The following PDE1C variants were observed in gnomAD, a reference collection of about 807,000 sequenced individuals.
PDE1C encodes the protein dual specificity calcium/calmodulin-dependent 3',5'-cyclic nucleotide phosphodiesterase 1C.
A neutral mutation model predicts 93.1 loss-of-function variants in PDE1C; 62 were observed. That is an observed-to-expected ratio of 0.67 (90% CI 0.54 to 0.82). PDE1C has a LOEUF of 0.82. Among genes scored for constraint, PDE1C ranks in the 40% least tolerant of loss-of-function variants. The pLI is 0.00. For synonymous variants in PDE1C, 325 were observed against 310.1 expected (o/e 1.05, Z -0.50); for missense variants, 742 against 884.6 (o/e 0.84, Z 2.04).
At chr7:32,296,329 A>C (rs1812606991) in intron 1 of PDE1C, among the ~76,000 whole-genome samples, 1 of 152,266 alleles carries the variant, frequency 6.6e-6, no homozygotes. Flanking sequence ...ACAGATTCTA[A>C]GTCTGATTTA....
intron 1 of PDE1C, among the ~76,000 whole-genome samples, chr7:32,230,178 G>A (rs1807591308): frequency 6.6e-6 from 1 of 152,142 alleles, no homozygotes; most frequent in South Asian, 2.1e-4. Flanking sequence ...GGAGGACTCA[G>A]CCCCTGCACA....
intron 3 of PDE1C, among the ~76,000 whole-genome samples, chr7:32,119,338 C>A (rs1391690772): frequency 1.3e-5 from 2 of 152,204 alleles, no homozygotes; most frequent in African/African-American, 4.8e-5. Flanking sequence ...GCTTGCCTCA[C>A]TTCAGGCTCC....
At chr7:32,174,224 C>A (rs1481624949) in intron 2 of PDE1C, among the ~76,000 whole-genome samples, 2 of 152,136 alleles carry the variant, frequency 1.3e-5, no homozygotes, top group Non-Finnish European at 2.9e-5. Flanking sequence ...AAAGTTCCTG[C>A]ACATCCCCCT....
the PDE1C span, chr7:31,651,997 T>A: frequency 6.2e-7 from 1 of 1,606,186 alleles, no homozygotes. Context: ...GGTGGCAGAG[T>A]TGGAATTTCA....
At chr7:32,004,187 T>C (rs888605684) in intron 2 of PDE1C, among the ~76,000 whole-genome samples, 6 of 152,114 alleles carry the variant, frequency 3.9e-5, no homozygotes, top group African/African-American at 1.4e-4. Flanking sequence ...TGGGTGCAGT[T>C]TAGATACCTG....
chr7:32,284,004 G>A (rs535158255), intron 1 of PDE1C, among the ~76,000 whole-genome samples: 60 of 152,272 alleles, frequency 3.9e-4, no homozygotes, highest in Non-Finnish European at 6.6e-4. Flanking sequence ...GAAGCATCCC[G>A]AGGACATTTA....
chr7:31,877,177 G>C (rs764294349), intron 5 of PDE1C, among the ~76,000 whole-genome samples: 13 of 152,146 alleles, frequency 8.5e-5, no homozygotes, highest in East Asian at 3.8e-4. Flanking sequence ...GTGATCTTGG[G>C]CTACAGGATC....
At chr7:32,066,870 A>G (rs73098661) in intron 1 of PDE1C, among the ~76,000 whole-genome samples, 11,214 of 152,280 alleles carry the variant, frequency 0.074, 444 homozygotes, top group African/African-American at 0.091. Context: ...GCTCCTCTCC[A>G]AAGAGTAAGA....
At chr7:32,138,923 G>A (rs995327184) in intron 3 of PDE1C, among the ~76,000 whole-genome samples, 6 of 152,066 alleles carry the variant, frequency 3.9e-5, no homozygotes, top group Non-Finnish European at 8.8e-5. Flanking sequence ...AAAGTGCTGT[G>A]CAGTAAAACT....
At chr7:31,685,738 A>C in the PDE1C span, among the ~76,000 whole-genome samples, 2 of 152,202 alleles carry the variant, frequency 1.3e-5, no homozygotes, top group African/African-American at 4.8e-5. Context: ...AAAATGAAGA[A>C]GATAAAGCAG....
the PDE1C span, among the ~76,000 whole-genome samples, chr7:31,711,619 T>C: frequency 6.6e-6 from 1 of 152,212 alleles, no homozygotes; most frequent in African/African-American, 2.4e-5. Flanking sequence ...CTCTTAATTT[T>C]TGAATGAGTA....
chr7:32,021,299 C>A (rs1393790606), intron 2 of PDE1C, among the ~76,000 whole-genome samples: 1 of 152,078 alleles, frequency 6.6e-6, no homozygotes, highest in Admixed American at 6.6e-5. Context: ...TACATTTATT[C>A]CCTAAAATCC....
chr7:32,347,942 T>C (rs927946332), intron 1 of PDE1C, among the ~76,000 whole-genome samples: 1 of 152,178 alleles, frequency 6.6e-6, no homozygotes, highest in African/African-American at 2.4e-5. Flanking sequence ...AAACACTATG[T>C]TTGTGATCAT....
chr7:32,078,825 G>C lies in PDE1C; in HGVS notation c.308+90960C>G, dbSNP rs115679409. 4.3e-3 allele frequency among the ~76,000 whole-genome samples: 653 copies of C among 151,908 alleles called. 7 individuals carry two copies. Among genetic ancestry groups the C allele is most frequent in the African/African-American group, 0.015 (634 of 41,384 alleles). On this transcript the variant is annotated intron_variant, in intron 3 of 18. Transcript: ENST00000396193. ...ACCTGTGGCCCTGGCTACTAGGGAG[G>C]CTAAGCTGGGAGGATTGCTTGAGCC...
At chr7:32,088,528 A>T (rs2128743202) in intron 3 of PDE1C, among the ~76,000 whole-genome samples, 1 of 152,366 alleles carries the variant, frequency 6.6e-6, no homozygotes, top group East Asian at 1.9e-4. Context: ...AGTGGTGAGG[A>T]GGCCCCATTT....
chr7:31,993,035 G>C (rs373140209), intron 2 of PDE1C, among the ~76,000 whole-genome samples: 1 of 152,158 alleles, frequency 6.6e-6, no homozygotes, highest in Non-Finnish European at 1.5e-5. Context: ...TACAGTAGTT[G>C]CTCTAAAAAC....
intron 2 of PDE1C, among the ~76,000 whole-genome samples, chr7:31,946,863 CCTTG>C (rs1806689286): frequency 6.6e-6 from 1 of 152,136 alleles, no homozygotes; most frequent in Non-Finnish European, 1.5e-5. Context: ...TGATTTTTTT[CCTTG>C]CTATTTGGCA....
chr7:31,747,221 A>T (rs1377959845), downstream of PDE1C, among the ~76,000 whole-genome samples: 2 of 152,200 alleles, frequency 1.3e-5, no homozygotes, highest in African/African-American at 4.8e-5. Context: ...ATGCATGGAA[A>T]AAATATATAG....
intron 3 of PDE1C, among the ~76,000 whole-genome samples, chr7:32,120,095 C>A (rs116726794): frequency 6.6e-6 from 1 of 152,200 alleles, no homozygotes; most frequent in Non-Finnish European, 1.5e-5. Context: ...AGGTGCCCCC[C>A]ACAGCCCCAC....
Sources: allele counts gnomAD v4.1 joint callset (sites outside exome capture counted in the v4.1 genomes callset), GRCh38; gene constraint gnomAD v4.1.1; transcripts MANE v1.5; gene names NCBI Gene and HGNC (gene_info 2026-07-23, HGNC 2026-07-21).